TENM1: variants seen among roughly 807,000 people sequenced by gnomAD.
The protein encoded by TENM1 is teneurin transmembrane protein 1, also known as teneurin-1.
A neutral mutation model predicts 174.8 loss-of-function variants in TENM1; 35 were observed. The ratio of observed to expected loss-of-function variants is 0.20; its 90% CI spans 0.15 to 0.27. TENM1 has a LOEUF of 0.27. Among genes scored for constraint, TENM1 ranks in the 10% least tolerant of loss-of-function variants. The probability of loss-of-function intolerance (pLI) is 1.00; values close to 1 mark genes in which losing one functional copy is unlikely to be tolerated. For missense variants in TENM1, 1,633 were observed against 2,130.1 expected (o/e 0.77, Z 4.59); for synonymous variants, 781 against 798.7 (o/e 0.98, Z 0.37).
At chrX:125,058,007 C>A in the TENM1 span, among the ~76,000 whole-genome samples, 2 of 111,133 alleles carry the variant, frequency 1.8e-5, no homozygotes, top group Non-Finnish European at 3.8e-5. Flanking sequence ...TTGAAAGCAA[C>A]AAAATGAACA....
the TENM1 span, among the ~76,000 whole-genome samples, chrX:125,075,730 C>G: frequency 9.0e-6 from 1 of 111,284 alleles, no homozygotes; most frequent in South Asian, 3.8e-4. Context: ...ATAGGCTCAG[C>G]AAATCCATAA....
At chrX:124,622,633 T>G (rs764093993) in intron 11 of TENM1, among the ~76,000 whole-genome samples, 62 of 112,098 alleles carry the variant, frequency 5.5e-4, no homozygotes, top group African/African-American at 1.3e-3. Flanking sequence ...TTCTTTTTGA[T>G]TGCTATATAA....
intron 3 of TENM1, among the ~76,000 whole-genome samples, chrX:124,800,578 A>AT (rs1445087099): frequency 1.8e-5 from 2 of 110,049 alleles, no homozygotes; most frequent in East Asian, 5.7e-4. Context: ...TCTTTGAAGG[A>AT]TTTTTCATGC....
chrX:124,780,792 C>T (rs1175163854), intron 3 of TENM1, among the ~76,000 whole-genome samples: 9 of 111,763 alleles, frequency 8.1e-5, no homozygotes, highest in African/African-American at 2.3e-4. Flanking sequence ...GATATTAACA[C>T]GACTTGGTCC....
intron 11 of TENM1, among the ~76,000 whole-genome samples, chrX:124,610,118 C>T (rs12008686): frequency 0.05 from 5,580 of 111,631 alleles, 247 homozygotes; most frequent in African/African-American, 0.15. Flanking sequence ...CTCCATTAGA[C>T]GGAGAGGAGA....
chrX:124,807,916 C>CACACACACACAA (rs746369843), intron 3 of TENM1, among the ~76,000 whole-genome samples: 47 of 106,907 alleles, frequency 4.4e-4, no homozygotes, highest in African/African-American at 1.5e-3. Context: ...CACACACACA[C>CACACACACACAA]ACAGAGGAAG....
At chrX:125,026,487 G>A in the TENM1 span, among the ~76,000 whole-genome samples, 1 of 111,546 alleles carries the variant, frequency 9.0e-6, no homozygotes, top group African/African-American at 3.2e-5. Context: ...ATAAACCCCT[G>A]TCTATATAAA....
the TENM1 span, among the ~76,000 whole-genome samples, chrX:125,037,878 A>G: frequency 9.0e-6 from 1 of 111,525 alleles, no homozygotes; most frequent in Non-Finnish European, 1.9e-5. Context: ...CTTTTGTCAT[A>G]TGGTGCCTTG....
At chrX:124,839,695 G>A (rs2056459890) in intron 3 of TENM1, among the ~76,000 whole-genome samples, 1 of 111,864 alleles carries the variant, frequency 8.9e-6, no homozygotes, top group Admixed American at 9.5e-5. Flanking sequence ...GGAAATTAAC[G>A]AAGCATTATC....
chrX:124,581,160 G>T, intron 11 of TENM1, among the ~76,000 whole-genome samples: 1 of 103,014 alleles, frequency 9.7e-6, no homozygotes, highest in Non-Finnish European at 2.0e-5. Flanking sequence ...CACCTCCCGA[G>T]TTCCAGGGAT....
the TENM1 span, among the ~76,000 whole-genome samples, chrX:125,159,577 C>G: frequency 9.0e-6 from 1 of 111,722 alleles, no homozygotes; most frequent in Admixed American, 9.5e-5. Context: ...AATATGCTTG[C>G]CTATTATGCT....
At chrX:125,112,885 A>G in the TENM1 span, among the ~76,000 whole-genome samples, 4 of 111,280 alleles carry the variant, frequency 3.6e-5, no homozygotes, top group African/African-American at 1.3e-4. Flanking sequence ...TTTCCTCAAA[A>G]TGATATGAAT....
chrX:124,723,611 T>G (rs746705506), intron 4 of TENM1, among the ~76,000 whole-genome samples: 1,078 of 100,783 alleles, frequency 0.011, 17 homozygotes, highest in African/African-American at 0.038. Flanking sequence ...TTGTTTTTTT[T>G]TTTTTTTTTT....
intron 11 of TENM1, among the ~76,000 whole-genome samples, chrX:124,608,625 T>C (rs2050212986): frequency 9.0e-6 from 1 of 111,401 alleles, no homozygotes; most frequent in Admixed American, 9.6e-5. Flanking sequence ...CATTTAAATC[T>C]AAAGAAGGCA....
At chrX:125,036,394 C>T in the TENM1 span, among the ~76,000 whole-genome samples, 3 of 111,735 alleles carry the variant, frequency 2.7e-5, no homozygotes, top group African/African-American at 6.5e-5. Flanking sequence ...AACACACTTA[C>T]GTTTGAAATG....
chrX:124,396,705 A>G lies in TENM1; in HGVS notation c.5392-4357T>C, dbSNP rs748758113. 8.1e-5 allele frequency among the ~76,000 whole-genome samples: 9 copies of G among 111,634 alleles called. No individual in the cohort carries two copies. The South Asian group carries it at 3.4e-3, about 42-fold the overall frequency. On this transcript the variant is annotated intron_variant, in intron 27 of 31. Transcript: ENST00000422452. The stretch of plus-strand genomic sequence containing the variant: ...TACTGGGTTTGTGGGCAAGGCTGAG[A>G]AAGCTCCACATTCATACAAGTGCTT...
chrX:124,923,277 T>A (rs918290275), intron 1 of TENM1, among the ~76,000 whole-genome samples: 1 of 111,837 alleles, frequency 8.9e-6, no homozygotes, highest in Admixed American at 9.5e-5. Flanking sequence ...GATATTGACA[T>A]CCTTGCCCTA....
At chrX:124,619,922 T>C (rs1412859382) in intron 11 of TENM1, among the ~76,000 whole-genome samples, 1 of 111,911 alleles carries the variant, frequency 8.9e-6, no homozygotes, top group Non-Finnish European at 1.9e-5. Context: ...TCAAAGGACT[T>C]GAACTGACTT....
At chrX:125,042,673 G>A in the TENM1 span, among the ~76,000 whole-genome samples, 1 of 111,269 alleles carries the variant, frequency 9.0e-6, no homozygotes, top group African/African-American at 3.3e-5. Flanking sequence ...GGAGCAGTTT[G>A]GAGAGGAAAA....
Sources: allele counts gnomAD v4.1 joint callset (sites outside exome capture counted in the v4.1 genomes callset), GRCh38; gene constraint gnomAD v4.1.1; transcripts MANE v1.5; gene names NCBI Gene and HGNC (gene_info 2026-07-23, HGNC 2026-07-21).